The following ITIH4 variants were observed in gnomAD, a reference collection of about 807,000 sequenced individuals.
ITIH4 encodes inter-alpha-trypsin inhibitor heavy chain 4.
ITIH4 carries 79 observed loss-of-function variants against 111.8 expected under a neutral mutation model. The observed-to-expected ratio is 0.71, with a 90% CI of 0.59 to 0.85. ITIH4 has a LOEUF of 0.85. ITIH4 is among the 40% of genes least tolerant of loss of function. ITIH4 has a pLI of 0.00. For missense variants in ITIH4, 1,065 were observed against 1,195.8 expected (o/e 0.89, Z 1.61); for synonymous variants, 472 against 468.3 (o/e 1.01, Z -0.10).
Position 52,826,605 on chromosome 3 carries a change from GTCTCCA to G in ITIH4, c.560_565del (p.Leu187_Thr189delinsPro). 6.2e-7 allele frequency: 1 copy of G among 1,614,120 alleles called. No homozygotes were observed. Among genetic ancestry groups the G allele is most frequent in the Non-Finnish European group, 8.5e-7 (1 of 1,180,018 alleles). On this transcript the variant is annotated inframe_deletion, in exon 5 of 24. Transcript: ENST00000266041. ...CTGGTTGGTCATGAAGGTGCTCTCT[GTCTCCA>G]GAAAGCTGATGCCCTGGGGCTCGAA... is the stretch of plus-strand genomic sequence containing the variant.
Position 52,818,124 on chromosome 3 carries a change from T to A in ITIH4, c.2224A>T (p.Ser742Cys), listed in dbSNP as rs867056757. 16 of 1,613,710 alleles carry A rather than the reference T, an allele frequency of 9.9e-6. 2 individuals carry two copies. In the Middle Eastern group the frequency reaches 1.7e-3, roughly 170 times the overall value. Residue 742 changes from serine to cysteine, a missense_variant, in exon 20 of 24, where the codon AGT (serine) becomes TGT (cysteine). Coordinates refer to ENST00000266041, the MANE Select transcript of ITIH4 (RefSeq NM_002218.5). Reference protein sequence around the residue: ...PSAILPLPGQSVERLCVDPRH... With the variant: ...PSAILPLPGQCVERLCVDPRH... ...GGGTCCACACAGAGCCGCTCCACAC[T>A]CTGCCCAGGCAGTGGCAGGATGGCA...
chr3:52,817,018 C>A lies in ITIH4; in HGVS notation c.2337G>T (p.Gly779=), dbSNP rs1233323051. The A allele has an allele frequency of 6.2e-7, 1 of 1,613,980 alleles. No homozygotes were observed. Among genetic ancestry groups the A allele is most frequent in the Non-Finnish European group, 8.5e-7 (1 of 1,179,952 alleles). The part of the protein sequence containing the change: ...VTGQYEREKA[G]FSWIEVTFKN... ...TGAAGGTCACTTCGATCCATGAGAA[C>A]CCAGCCTTCTCCCTCTCATACTGGC... is the stretch of plus-strand genomic sequence containing the variant. Residue 779 remains glycine (G), a synonymous_variant, in exon 21 of 24, where the codon GGG becomes GGT. Coordinates refer to ENST00000266041, the MANE Select transcript of ITIH4 (RefSeq NM_002218.5).
chr3:52,815,735 C>T (rs910781806), intron 21 of ITIH4, among the ~76,000 whole-genome samples: 34 of 151,652 alleles, frequency 2.2e-4, no homozygotes, highest in African/African-American at 8.3e-4. Flanking sequence ...CTCTGTTGCC[C>T]AGGCTGGAGC....
chr3:52,823,189 G>C (rs1700416129), intron 11 of ITIH4: 1 of 192,780 alleles, frequency 5.2e-6, no homozygotes, highest in Non-Finnish European at 1.1e-5. Flanking sequence ...TTGCAGTGGG[G>C]CCCGGGGAAA....
Position 52,824,164 on chromosome 3 carries a change from C to A in ITIH4, c.1171+26G>T. On this transcript the variant is annotated intron_variant, in intron 9 of 23. Transcript: ENST00000266041. The surrounding 1 kb of genome is among the most constrained non-coding windows in gnomAD (Gnocchi z 4.3). ...CAGCCGCCTCCCCTGTGCAGCACGT[C>A]CTGGAGTCACGGGCAGGGCCCTCAC... 1 of 1,611,912 alleles carries A rather than the reference C, an allele frequency of 6.2e-7. No homozygotes were observed. Among genetic ancestry groups the A allele is most frequent in the Non-Finnish European group, 8.5e-7 (1 of 1,179,114 alleles).
rs771432696 is a variant in ITIH4 at position 52,820,827 on chromosome 3, C to G, written c.1680-42G>C. 4.5e-6 allele frequency: 7 copies of G among 1,571,260 alleles called. No homozygotes were observed. In the African/African-American group the frequency reaches 9.5e-5, roughly 21 times the overall value. Reference sequence around the variant, plus strand: ...TCAGAGCTCAGGAGATCCTTGAATTCGGGAACAGATTTTCCATCCAGCCCC... The same window carrying G: ...TCAGAGCTCAGGAGATCCTTGAATTGGGGAACAGATTTTCCATCCAGCCCC... On this transcript the variant is annotated intron_variant, in intron 12 of 23. Coordinates refer to ENST00000266041, the MANE Select transcript of ITIH4 (RefSeq NM_002218.5).
Position 52,824,337 on chromosome 3 carries a change from G to A in ITIH4, c.1046-22C>T. ...GTCCCTGAGGAACACGCACTCTCAAGGTGGTCCCCAGCCAGGAGCCCTGGA... is the reference window on the plus strand; with the variant it reads ...GTCCCTGAGGAACACGCACTCTCAAAGTGGTCCCCAGCCAGGAGCCCTGGA... On this transcript the variant is annotated intron_variant, in intron 8 of 23. Transcript: ENST00000266041. This position sits in a 1 kb window ranked among gnomAD's most constrained non-coding sequence, Gnocchi z 4.3. 1 of 1,612,216 alleles carries A rather than the reference G, an allele frequency of 6.2e-7. No homozygotes were observed. Among genetic ancestry groups the A allele is most frequent in the Non-Finnish European group, 8.5e-7 (1 of 1,178,576 alleles).
At chr3:52,827,586 A>G (rs575157524) in intron 2 of ITIH4, among the ~76,000 whole-genome samples, 3 of 152,234 alleles carry the variant, frequency 2.0e-5, no homozygotes, top group Admixed American at 6.5e-5. Flanking sequence ...CTAGTTCATC[A>G]CCAGCAAGAG....
rs1700525933 is a variant in ITIH4 at position 52,828,998 on chromosome 3, G to A, written c.251+121C>T. The A allele has an allele frequency of 6.9e-6, 6 of 871,080 alleles. No individual in the cohort carries two copies. The East Asian group carries it at 1.7e-4, about 24-fold the overall frequency. 54.0% of individuals were successfully genotyped at this position (871,080 alleles called of 1,614,324 possible). On this transcript the variant is annotated intron_variant, in intron 2 of 23. Transcript: ENST00000266041. ...TCCTGTGTGGCCCCAGGTGCAGGGT[G>A]TACTCCTGAAGATGTACACCCTGGC...
chr3:52,820,110 C>T lies in ITIH4; in HGVS notation c.1862-120G>A, dbSNP rs1048400506. The T allele has an allele frequency of 3.9e-6, 5 of 1,290,090 alleles. No homozygotes were observed. The African/African-American group carries it at 7.3e-5, about 19-fold the overall frequency. The allele number at this position is 1,290,090 out of a possible 1,614,324, so 79.9% of individuals were successfully genotyped here. On this transcript the variant is annotated intron_variant, in intron 14 of 23. Coordinates refer to ENST00000266041, the MANE Select transcript of ITIH4 (RefSeq NM_002218.5). ...CTGAGGCACAGCCAATATTTGAATG[C>T]ACAGGCGACTAAATGCACCAGCATG...
In ITIH4 at chr3:52,820,307, G is replaced by A; in HGVS notation, c.1845C>T (p.Asn615=). ...GCTGCTTACCTGAGTGGACATTCCT[G>A]TTTCTACTTTCTGGATAAAACAAAG... The part of the protein sequence containing the change: ...AEKPMEGESR[N]RNVHSGSTFF... Residue 615 remains asparagine (N), a synonymous_variant, in exon 14 of 24, where the codon AAC becomes AAT. Transcript: ENST00000266041. 6.2e-7 allele frequency: 1 copy of A among 1,613,992 alleles called. No individual in the cohort carries two copies. Among genetic ancestry groups the A allele is most frequent in the South Asian group, 1.1e-5 (1 of 91,074 alleles).
intron 23 of ITIH4, 117 bp downstream of exon 23, chr3:52,813,858 G>T: frequency 1.3e-6 from 1 of 795,864 alleles, no homozygotes; most frequent in Non-Finnish European, 2.1e-6. Context: ...ACCTTCCACC[G>T]GACTGTGTCT....
At position 52,824,893 on chromosome 3, in the gene ITIH4, C is replaced by T. The variant is rs1169379350; in HGVS notation, c.825G>A (p.Val275=). The part of the protein sequence containing the change: ...PEGLTTMPKN[V]VFVIDKSGSM... ...AGCCGCTCTTGTCAATGACAAAGAC[C>T]ACATTCTTGGGCATTGTGGTTAGGC... Residue 275 remains valine (V), a synonymous_variant, in exon 7 of 24, where the codon GTG becomes GTA. Coordinates refer to ENST00000266041, the MANE Select transcript of ITIH4 (RefSeq NM_002218.5). The surrounding 1 kb of genome is among the most constrained non-coding windows in gnomAD (Gnocchi z 4.3). 1 of 1,614,096 alleles carries T rather than the reference C, an allele frequency of 6.2e-7. No individual in the cohort carries two copies. Among genetic ancestry groups the T allele is most frequent in the Non-Finnish European group, 8.5e-7 (1 of 1,179,982 alleles).
intron 1 of ITIH4, chr3:52,829,979 T>G: frequency 4.3e-6 from 1 of 233,904 alleles, no homozygotes; most frequent in Non-Finnish European, 8.5e-6. Flanking sequence ...CCTGCTTGTG[T>G]GTGACATGCT....
rs181819575 is a variant in ITIH4, at chr3:52,821,625, C to T, written c.1540-495G>A. 6.7e-3 allele frequency among the ~76,000 whole-genome samples: 1,022 copies of T among 152,294 alleles called. 98 individuals are homozygous for T. In the South Asian group the frequency reaches 0.19, roughly 28 times the overall value. ...GGGTTTGGGGCCCCATCCACCCCAA[C>T]GGCTGTCCCTGTCCAAGCTGGCCCC... On this transcript the variant is annotated intron_variant, in intron 11 of 23. Coordinates refer to ENST00000266041, the MANE Select transcript of ITIH4 (RefSeq NM_002218.5).
rs764860802 is a variant in ITIH4, at chr3:52,824,171, T to G, written c.1171+19A>C. On this transcript the variant is annotated intron_variant, in intron 9 of 23. Coordinates refer to ENST00000266041, the MANE Select transcript of ITIH4 (RefSeq NM_002218.5). This position sits in a 1 kb window ranked among gnomAD's most constrained non-coding sequence, Gnocchi z 4.3. The stretch of plus-strand genomic sequence containing the variant: ...CTCCCCTGTGCAGCACGTCCTGGAG[T>G]CACGGGCAGGGCCCTCACCCACAGT... 1 of 1,611,944 alleles carries G rather than the reference T, an allele frequency of 6.2e-7. No individual in the cohort carries two copies. Among genetic ancestry groups the G allele is most frequent in the Non-Finnish European group, 8.5e-7 (1 of 1,179,212 alleles).
chr3:52,816,986 G>C lies in ITIH4; in HGVS notation c.2369C>G (p.Pro790Arg). The change falls in exon 21 of 24, where the codon CCC becomes CGC. Residue 790 changes from proline to arginine, a missense_variant. Transcript: ENST00000266041. ...FSWIEVTFKN[P>R]LVWVHASPEH... ...AGGGGATGCGTGAACCCATACCAGG[G>C]GGTTCTTGAAGGTCACTTCGATCCA... is the stretch of plus-strand genomic sequence containing the variant. 1 of 1,613,956 alleles carries C rather than the reference G, an allele frequency of 6.2e-7. No individual in the cohort carries two copies.
At chr3:52,816,736 T>C (rs1641254802) in intron 21 of ITIH4, 148 bp downstream of exon 21, 2 of 762,150 alleles carry the variant, frequency 2.6e-6, no homozygotes, top group Admixed American at 2.3e-5. Context: ...TGCAGGGGTA[T>C]ATGGCAGGGC....
chr3:52,819,306 C>T (rs1240024414), intron 17 of ITIH4, 87 bp downstream of exon 17: 21 of 1,500,180 alleles, frequency 1.4e-5, no homozygotes, highest in South Asian at 2.3e-5. Flanking sequence ...CCCTGTGGTG[C>T]GTGCTTTACC....
Sources: gnomAD v4.1 joint callset for allele counts (sites outside exome capture counted in the v4.1 genomes callset) on GRCh38, gnomAD v4.1.1 for gene constraint, Gnocchi (gnomAD v3.1) non-coding constraint, MANE v1.5 for transcripts, NCBI Gene and HGNC (gene_info 2026-07-23, HGNC 2026-07-21) for gene names.